CNIH2: variants seen among roughly 807,000 people sequenced by gnomAD.
The protein encoded by CNIH2 is cornichon family AMPA receptor auxiliary protein 2, also known as protein cornichon homolog 2.
Under a neutral mutation model 22.9 loss-of-function variants are expected in CNIH2, and 8 were observed. The ratio of observed to expected loss-of-function variants is 0.35; its 90% CI spans 0.20 to 0.63. The LOEUF (loss-of-function observed/expected upper bound fraction) is 0.63, where lower values mean the gene tolerates loss of function less well. Among genes scored for constraint, CNIH2 ranks in the 30% least tolerant of loss-of-function variants. CNIH2 has a pLI of 0.72. For missense variants in CNIH2, 105 were observed against 206.2 expected (o/e 0.51, Z 3.01); for synonymous variants, 74 against 78.2 (o/e 0.95, Z 0.28).
At chr11:66,281,342 A>G (rs913266429) in intron 1 of CNIH2, 51 of 455,764 alleles carry the variant, frequency 1.1e-4, no homozygotes, top group African/African-American at 9.8e-4. Flanking sequence ...TCTGCAAAAC[A>G]GACATGAAAA....
rs148797929 is a variant in CNIH2 at position 66,283,273 on chromosome 11, T to A, written c.337T>A (p.Ser113Thr). The A allele has an allele frequency of 6.2e-7, 1 of 1,613,928 alleles. No homozygotes were observed. Among genetic ancestry groups the A allele is most frequent in the Non-Finnish European group, 8.5e-7 (1 of 1,180,002 alleles). ...GTACTTCCACCGTCCTGCAGATGGC[T>A]CTGAGGTCATGTATGATGCGGTCTC... ...WRYFHRPADG[S>T]EVMYDAVSIM... is the part of the protein sequence containing the mutation. Residue 113 changes from serine to threonine, a missense_variant, in exon 5 of 6, where the codon TCT becomes ACT. By Grantham distance (58) the Ser-to-Thr change is moderately conservative. Coordinates refer to ENST00000311445, the MANE Select transcript of CNIH2 (RefSeq NM_182553.3).
At position 66,284,113 on chromosome 11, in the gene CNIH2, T is replaced by C. The variant is rs375984760; in HGVS notation, c.*516T>C. On this transcript the variant is annotated 3_prime_UTR_variant, in exon 6 of 6. Transcript: ENST00000311445. Reference sequence around the variant, plus strand: ...CCATCTGCCCCAACCTCAGCCCACCTTGTCTCTTGGACCTATTTTCTATGT... The same window carrying C: ...CCATCTGCCCCAACCTCAGCCCACCCTGTCTCTTGGACCTATTTTCTATGT... 2.3e-5 allele frequency: 4 copies of C among 171,948 alleles called. No individual in the cohort carries two copies. Among genetic ancestry groups the C allele is most frequent in the African/African-American group, 9.6e-5 (4 of 41,676 alleles). 10.7% of individuals were successfully genotyped at this position (171,948 alleles called of 1,614,324 possible).
chr11:66,280,139 C>T (rs866151570), intron 1 of CNIH2, among the ~76,000 whole-genome samples: 4 of 152,234 alleles, frequency 2.6e-5, no homozygotes, highest in African/African-American at 7.2e-5. Flanking sequence ...TTATCCACCA[C>T]GCCTGCATTG....
intron 1 of CNIH2, among the ~76,000 whole-genome samples, chr11:66,281,258 G>A (rs1857254950): frequency 6.6e-6 from 1 of 152,140 alleles, no homozygotes; most frequent in Non-Finnish European, 1.5e-5. Flanking sequence ...TAACTCTGGA[G>A]TCACACTGGG....
chr11:66,279,662 A>G (rs981293700), intron 1 of CNIH2, among the ~76,000 whole-genome samples: 2 of 149,230 alleles, frequency 1.3e-5, no homozygotes, highest in Admixed American at 1.3e-4. Flanking sequence ...CGGGCTCTCC[A>G]CTTCCTCTCT....
intron 1 of CNIH2, 134 bp from the exon 2 acceptor site, chr11:66,282,125 T>C (rs1857266510): frequency 1.3e-6 from 1 of 774,330 alleles, no homozygotes; most frequent in South Asian, 1.5e-5. Context: ...TGCTCCTCCC[T>C]GGACCTCGGT....
chr11:66,282,690 G>C lies in CNIH2; in HGVS notation c.151-43G>C, dbSNP rs772850552. 5.0e-6 allele frequency: 8 copies of C among 1,611,894 alleles called. 1 individual carries two copies. Among genetic ancestry groups the C allele is most frequent in the Middle Eastern group, 3.3e-4 (2 of 6,054 alleles). On this transcript the variant is annotated intron_variant, in intron 2 of 5. Transcript: ENST00000311445. Reference sequence around the variant, plus strand: ...AGCGGTGGGAGCTGCTCCAGTACCTGCTTCTCCGCCACCCCATCGCGGCCT... The same window carrying C: ...AGCGGTGGGAGCTGCTCCAGTACCTCCTTCTCCGCCACCCCATCGCGGCCT...
chr11:66,280,104 C>T (rs1857237678), intron 1 of CNIH2, among the ~76,000 whole-genome samples: 1 of 152,228 alleles, frequency 6.6e-6, no homozygotes, highest in Admixed American at 6.5e-5. Context: ...TGTGGGGTCC[C>T]TGTCCTCAGG....
At chr11:66,282,176 T>G in intron 1 of CNIH2, 83 bp from the exon 2 acceptor site, 1 of 1,254,930 alleles carries the variant, frequency 8.0e-7, no homozygotes, top group Non-Finnish European at 1.2e-6. Context: ...CTGGTCCTCT[T>G]CAGTAAACTA....
chr11:66,280,141 C>A (rs1286019307), intron 1 of CNIH2, among the ~76,000 whole-genome samples: 1 of 152,220 alleles, frequency 6.6e-6, no homozygotes, highest in African/African-American at 2.4e-5. Context: ...ATCCACCACG[C>A]CTGCATTGAT....
intron 2 of CNIH2, 86 bp downstream of exon 2, chr11:66,282,413 G>A (rs1231211630): frequency 3.8e-6 from 4 of 1,065,932 alleles, no homozygotes; most frequent in Non-Finnish European, 5.6e-6. Flanking sequence ...ACGGGAAGAC[G>A]GGGGTGGGGT....
In CNIH2 at chr11:66,283,641, C is replaced by T; in HGVS notation, c.*44C>T. ...AGCGAGCCCAGAACGGACCGGACGCCTGTGCACCCCCAGCCCTGCCCCTTG... is the reference window on the plus strand; with the variant it reads ...AGCGAGCCCAGAACGGACCGGACGCTTGTGCACCCCCAGCCCTGCCCCTTG... On this transcript the variant is annotated 3_prime_UTR_variant, in exon 6 of 6. Transcript: ENST00000311445. The T allele has an allele frequency of 6.4e-7, 1 of 1,552,104 alleles. No individual in the cohort carries two copies. The highest frequency in any genetic ancestry group is 8.7e-7 in the Non-Finnish European group (1 of 1,147,254).
Position 66,278,446 on chromosome 11 carries a change from G to C in CNIH2, c.-11G>C. The C allele has an allele frequency of 7.8e-7, 1 of 1,284,866 alleles. No homozygotes were observed. The allele number at this position is 1,284,866 out of a possible 1,614,324, so 79.6% of individuals were successfully genotyped here. A position where few individuals can be genotyped will look rare whatever the true frequency, so the allele number is the denominator to read the frequency against. On this transcript the variant is annotated 5_prime_UTR_variant, in exon 1 of 6. Transcript: ENST00000311445. ...CTGGCGCCCCCCGGGCCGCCGCCCG[G>C]CGCGGGGGCCATGGCGTTCACCTTC...
chr11:66,282,152 C>A, intron 1 of CNIH2, 107 bp from the exon 2 acceptor site: 1 of 994,630 alleles, frequency 1.0e-6, no homozygotes. Context: ...ACCTTTGCAA[C>A]AAGCTCCACC....
At position 66,283,433 on chromosome 11, in the gene CNIH2, G is replaced by T. The variant is rs552458023; in HGVS notation, c.455+42G>T. ...AGCAGTCAGAACTCAGGGAAGGGAT[G>T]TCCCAGCATCACGCTTCCAATCCCA... On this transcript the variant is annotated intron_variant, in intron 5 of 5. Transcript: ENST00000311445. 5 of 1,612,566 alleles carry T rather than the reference G, an allele frequency of 3.1e-6. No individual in the cohort carries two copies. The South Asian group carries it at 4.4e-5, about 14-fold the overall frequency.
Position 66,281,410 on chromosome 11 carries a change from C to T in CNIH2, c.82-849C>T, listed in dbSNP as rs985900114. On this transcript the variant is annotated intron_variant, in intron 1 of 5. Transcript: ENST00000311445. Reference sequence around the variant, plus strand: ...GAATTAAATGAGTGAATCCACATACCGGCCAGGAGAAGCACCACTTAGATC... The same window carrying T: ...GAATTAAATGAGTGAATCCACATACTGGCCAGGAGAAGCACCACTTAGATC... 5.7e-5 allele frequency: 26 copies of T among 456,114 alleles called. No individual in the cohort carries two copies. The Middle Eastern group carries it at 2.6e-3, about 45-fold the overall frequency. The allele number at this position is 456,114 out of a possible 1,614,324, so 28.3% of individuals were successfully genotyped here.
chr11:66,278,503 T>A lies in CNIH2; in HGVS notation c.47T>A (p.Leu16Gln). 6.5e-7 allele frequency: 1 copy of A among 1,533,800 alleles called. No homozygotes were observed. Among genetic ancestry groups the A allele is most frequent in the South Asian group, 1.2e-5 (1 of 86,074 alleles). ...AAFCYMLTLVLCASLIFFVIW... is the reference protein window; with the variant it reads ...AAFCYMLTLVQCASLIFFVIW... ...TTCTGCTACATGCTCACCCTGGTGC[T>A]GTGCGCCTCCCTCATCTTCTTTGTC... Residue 16 changes from leucine (L) to glutamine (Q), a missense_variant, in exon 1 of 6, where the codon CTG becomes CAG. Transcript: ENST00000311445.
Position 66,282,912 on chromosome 11 carries a change from G to A in CNIH2, c.199-123G>A. ...ACTTGGGAGGGAGTGGGAAGCCAGA[G>A]GCCTTTTAATCCCCAGAGGTCACGG... is the stretch of plus-strand genomic sequence containing the variant. On this transcript the variant is annotated intron_variant, in intron 3 of 5. Transcript: ENST00000311445. The A allele has an allele frequency of 4.4e-6, 6 of 1,370,972 alleles. No individual in the cohort carries two copies. The South Asian group carries it at 6.0e-5, about 14-fold the overall frequency. 84.9% of individuals were successfully genotyped at this position (1,370,972 alleles called of 1,614,324 possible).
intron 2 of CNIH2, 96 bp downstream of exon 2, chr11:66,282,423 TG>T (rs962550476): frequency 7.2e-5 from 11 of 152,742 alleles, no homozygotes; most frequent in South Asian, 6.9e-4. Flanking sequence ...GGGGGTGGGG[TG>T]GGGGGCCTAC....
Sources: gnomAD v4.1 joint callset for allele counts (sites outside exome capture counted in the v4.1 genomes callset) on GRCh38, gnomAD v4.1.1 for gene constraint, MANE v1.5 for transcripts, NCBI Gene and HGNC (gene_info 2026-07-23, HGNC 2026-07-21) for gene names.